Variants in CADPS2 observed in about 807,000 individuals in gnomAD.
CADPS2 encodes the protein calcium dependent secretion activator 2.
Under a neutral mutation model 172.5 loss-of-function variants are expected in CADPS2, and 93 were observed. The observed-to-expected ratio is 0.54, with a 90% CI of 0.46 to 0.64. The LOEUF is 0.64. Among genes scored for constraint, CADPS2 ranks in the 30% least tolerant of loss-of-function variants. The probability of loss-of-function intolerance (pLI) is 0.00; values close to 1 mark genes in which losing one functional copy is unlikely to be tolerated. For missense variants in CADPS2, 1,420 were observed against 1,565.9 expected, an observed-to-expected ratio of 0.91 and a Z score of 1.57; for synonymous variants, 546 against 555.2, an observed-to-expected ratio of 0.98 and a Z score of 0.23.
intron 1 of CADPS2, among the ~76,000 whole-genome samples, chr7:122,800,603 G>T (rs1244969064): frequency 6.6e-6 from 1 of 151,954 alleles, no homozygotes; most frequent in East Asian, 1.9e-4. Flanking sequence ...CCTAGATCAT[G>T]AAGTAAAAAA....
At chr7:122,534,506 T>C (rs1187468826) in intron 8 of CADPS2, among the ~76,000 whole-genome samples, 2 of 152,250 alleles carry the variant, frequency 1.3e-5, no homozygotes, top group South Asian at 2.1e-4. Flanking sequence ...TAAATTGAGA[T>C]ATTCACCATG....
chr7:122,499,293 C>T (rs998240778), intron 9 of CADPS2, among the ~76,000 whole-genome samples: 1 of 152,252 alleles, frequency 6.6e-6, no homozygotes, highest in Middle Eastern at 3.4e-3. Context: ...CATGGTACAT[C>T]TTCTTTCTCT....
At chr7:122,515,474 T>C (rs2060289381) in intron 8 of CADPS2, among the ~76,000 whole-genome samples, 2 of 152,156 alleles carry the variant, frequency 1.3e-5, no homozygotes, top group Admixed American at 6.6e-5. Flanking sequence ...GGGAGCTAGA[T>C]GCTGTGGACA....
chr7:122,706,482 T>C (rs1190443929), intron 2 of CADPS2, among the ~76,000 whole-genome samples: 1 of 146,906 alleles, frequency 6.8e-6, no homozygotes, highest in Admixed American at 7.0e-5. Context: ...TATATATTCC[T>C]TTTGTAGGCA....
intron 8 of CADPS2, among the ~76,000 whole-genome samples, chr7:122,551,957 C>A (rs763061134): frequency 6.6e-6 from 1 of 152,042 alleles, no homozygotes; most frequent in Non-Finnish European, 1.5e-5. Flanking sequence ...CAGAAAAAGA[C>A]GAATATAGCT....
intron 25 of CADPS2, among the ~76,000 whole-genome samples, chr7:122,362,981 A>G (rs1456855158): frequency 6.6e-6 from 1 of 152,230 alleles, no homozygotes; most frequent in Non-Finnish European, 1.5e-5. Flanking sequence ...TTTTTAAAGA[A>G]TGAGAATAAC....
chr7:122,797,349 A>G (rs1226595976), intron 1 of CADPS2, among the ~76,000 whole-genome samples: 1 of 152,212 alleles, frequency 6.6e-6, no homozygotes, highest in Non-Finnish European at 1.5e-5. Context: ...ATTACCAGGT[A>G]TATACCCAAA....
At chr7:122,569,675 A>C (rs539230254) in intron 7 of CADPS2, among the ~76,000 whole-genome samples, 70 of 144,194 alleles carry the variant, frequency 4.9e-4, no homozygotes, top group African/African-American at 1.9e-3. Flanking sequence ...TACTGGTACC[A>C]AAACAGAGAT....
chr7:122,643,930 A>G (rs555446588), intron 3 of CADPS2, among the ~76,000 whole-genome samples: 1 of 152,268 alleles, frequency 6.6e-6, no homozygotes, highest in African/African-American at 2.4e-5. Flanking sequence ...TCTCTACTAA[A>G]AATGAAAAAT....
intron 28 of CADPS2, among the ~76,000 whole-genome samples, chr7:122,334,795 C>G (rs139922125): frequency 1.7e-4 from 26 of 152,088 alleles, no homozygotes; most frequent in Non-Finnish European, 3.4e-4. Context: ...AAAAAAAAAT[C>G]TGTGGATAGC....
chr7:122,734,356 TAAAAAA>T (rs558421546), intron 2 of CADPS2, among the ~76,000 whole-genome samples: 3 of 46,292 alleles, frequency 6.5e-5, no homozygotes, highest in Admixed American at 3.9e-4. Flanking sequence ...CCAGAAATAG[TAAAAAA>T]AAAAAAAAAA....
chr7:122,470,425 A>G (rs1294635124), intron 14 of CADPS2, among the ~76,000 whole-genome samples: 1 of 152,166 alleles, frequency 6.6e-6, no homozygotes, highest in African/African-American at 2.4e-5. Flanking sequence ...TCATTCATTC[A>G]TTCATCAAAT....
intron 9 of CADPS2, among the ~76,000 whole-genome samples, chr7:122,500,568 G>A (rs1222844752): frequency 6.6e-6 from 1 of 152,046 alleles, no homozygotes; most frequent in African/African-American, 2.4e-5. Context: ...CATGCAAGTA[G>A]GCACCCCATT....
chr7:122,385,812 T>C (rs1358174418), intron 24 of CADPS2, among the ~76,000 whole-genome samples: 1 of 152,044 alleles, frequency 6.6e-6, no homozygotes, highest in African/African-American at 2.4e-5. Context: ...GGTTCATCTG[T>C]ATGAAGTGAC....
At chr7:122,731,067 T>A (rs1384563420) in intron 2 of CADPS2, among the ~76,000 whole-genome samples, 1 of 98,026 alleles carries the variant, frequency 1.0e-5, no homozygotes, top group African/African-American at 4.0e-5. Flanking sequence ...CAAATGGTGG[T>A]GGGGGTGGGG....
intron 7 of CADPS2, among the ~76,000 whole-genome samples, chr7:122,576,350 T>C (rs2068035754): frequency 6.6e-6 from 1 of 152,178 alleles, no homozygotes; most frequent in Non-Finnish European, 1.5e-5. Flanking sequence ...ATTGGCAGCA[T>C]ATGTTTCCCC....
rs555713478 is a variant in CADPS2, at chr7:122,514,589, C to T, written c.1476-1274G>A. ...GTGTAACATCTTGGGAGATGATCTT[C>T]TTGTAGGATAACATGTCAATACATC... On this transcript the variant is annotated intron_variant, in intron 8 of 29. Transcript: ENST00000449022. Among the ~76,000 whole-genome samples, 364 of 152,042 alleles carry T rather than the reference C, an allele frequency of 2.4e-3. 2 individuals carry two copies. The highest frequency in any genetic ancestry group is 8.5e-3 in the African/African-American group (352 of 41,460).
At chr7:122,493,035 A>G (rs2058437780) in intron 9 of CADPS2, among the ~76,000 whole-genome samples, 1 of 152,306 alleles carries the variant, frequency 6.6e-6, no homozygotes, top group East Asian at 1.9e-4. Context: ...ATTATGAAAG[A>G]CAGAGAAAAT....
chr7:122,338,268 G>A (rs988090120), intron 28 of CADPS2, among the ~76,000 whole-genome samples: 3 of 152,072 alleles, frequency 2.0e-5, no homozygotes, highest in Admixed American at 6.6e-5. Context: ...ATGGTGGCAC[G>A]CACCTGTAGT....
Sources: gnomAD v4.1 joint callset for allele counts (sites outside exome capture counted in the v4.1 genomes callset) on GRCh38, gnomAD v4.1.1 for gene constraint, MANE v1.5 for transcripts, NCBI Gene and HGNC (gene_info 2026-07-23, HGNC 2026-07-21) for gene names.